PTPRD: variants seen among roughly 807,000 people sequenced by gnomAD.
PTPRD encodes receptor-type tyrosine-protein phosphatase delta.
A neutral mutation model predicts 214.5 loss-of-function variants in PTPRD; 34 were observed. The ratio of observed to expected loss-of-function variants is 0.16; its 90% CI spans 0.12 to 0.21. The LOEUF is 0.21. Ranked by LOEUF, PTPRD falls within the 10% of genes least tolerant of loss-of-function variation. The pLI is 1.00. For missense variants in PTPRD, 2,545 were observed against 2,398.7 expected (o/e 1.06, Z -1.27); for synonymous variants, 1,128 against 845.7 (o/e 1.33, Z -5.79).
chr9:10,201,517 G>A (rs2154334162), intron 3 of PTPRD, among the ~76,000 whole-genome samples: 1 of 152,112 alleles, frequency 6.6e-6, no homozygotes, highest in East Asian at 1.9e-4. Context: ...ATGCATAGGA[G>A]TATATTTAAT....
chr9:8,449,769 G>T lies in PTPRD; in HGVS notation c.3944C>A (p.Pro1315Gln). Residue 1315 changes from proline (P) to glutamine (Q), a missense_variant, in exon 34 of 46, where the codon CCA becomes CAA. Pro to Gln is a moderately conservative substitution (Grantham distance 76). Coordinates refer to ENST00000381196, the MANE Select transcript of PTPRD (RefSeq NM_002839.4). ...PNNKEIPSHH[P>Q]TDPVELRRLN... ...GCGCCTCAGTTCTACAGGGTCTGTT[G>T]GGTGGTGTGAAGGGATCTCCTTATT... 6.2e-7 allele frequency: 1 copy of T among 1,614,092 alleles called. No homozygotes were observed. The highest frequency in any genetic ancestry group is 8.5e-7 in the Non-Finnish European group (1 of 1,179,970).
In PTPRD at chr9:9,433,051, T is replaced by C. The variant is rs965964691; in HGVS notation, c.-236-35569A>G. ...ATGCAAGCGTGTGTATAAGAGTGTG[T>C]GTGTTAGGAAGGGCACACAAAAGAT... On this transcript the variant is annotated intron_variant, in intron 8 of 45. Transcript: ENST00000381196. Among the ~76,000 whole-genome samples, 51 of 152,072 alleles carry C rather than the reference T, an allele frequency of 3.4e-4. 1 individual carries two copies. The highest frequency in any genetic ancestry group is 1.1e-3 in the African/African-American group (47 of 41,412).
chr9:8,535,645 G>C (rs1023468355), intron 14 of PTPRD, among the ~76,000 whole-genome samples: 1 of 151,832 alleles, frequency 6.6e-6, no homozygotes, highest in South Asian at 2.1e-4. Flanking sequence ...TTGGGGAGTA[G>C]GTCATGTTAA....
At chr9:8,887,784 T>C (rs1035362812) in intron 11 of PTPRD, among the ~76,000 whole-genome samples, 7 of 152,194 alleles carry the variant, frequency 4.6e-5, no homozygotes, top group South Asian at 2.1e-4. Context: ...AGTTTTGCAA[T>C]TGCCATTTAA....
chr9:9,480,146 T>C (rs996514740), intron 8 of PTPRD, among the ~76,000 whole-genome samples: 1 of 152,322 alleles, frequency 6.6e-6, no homozygotes, highest in African/African-American at 2.4e-5. Flanking sequence ...GGCATTCATA[T>C]GCTTCAGGTA....
chr9:10,146,163 A>ATATATATG (rs2099021222), intron 3 of PTPRD, among the ~76,000 whole-genome samples: 1 of 151,154 alleles, frequency 6.6e-6, no homozygotes, highest in African/African-American at 2.4e-5. Context: ...ATATATATAT[A>ATATATATG]TATATGTATA....
At chr9:9,101,587 G>T (rs1487798538) in intron 10 of PTPRD, among the ~76,000 whole-genome samples, 1 of 152,066 alleles carries the variant, frequency 6.6e-6, no homozygotes, top group Non-Finnish European at 1.5e-5. Flanking sequence ...ACTAATAAGA[G>T]AATTATTATC....
At chr9:9,177,661 T>A (rs1034416550) in intron 10 of PTPRD, among the ~76,000 whole-genome samples, 78 of 152,076 alleles carry the variant, frequency 5.1e-4, no homozygotes, top group African/African-American at 1.8e-3. Flanking sequence ...GCAAAAAAAA[T>A]TCCGGTAAGC....
chr9:8,658,940 T>C (rs113270578), intron 12 of PTPRD, among the ~76,000 whole-genome samples: 4 of 152,298 alleles, frequency 2.6e-5, no homozygotes, highest in African/African-American at 9.6e-5. Context: ...AAATCCAGCT[T>C]TAGTGCCAAT....
intron 3 of PTPRD, among the ~76,000 whole-genome samples, chr9:10,184,989 AC>A (rs960453500): frequency 1.3e-5 from 2 of 152,180 alleles, no homozygotes; most frequent in African/African-American, 4.8e-5. Flanking sequence ...CACATTCATA[AC>A]CTTTTGTGTA....
chr9:10,430,736 G>T (rs1248677416), intron 2 of PTPRD, among the ~76,000 whole-genome samples: 1 of 151,660 alleles, frequency 6.6e-6, no homozygotes, highest in Admixed American at 6.6e-5. Context: ...ATTAGTGTTG[G>T]CAAAAGGTCA....
chr9:9,917,099 T>A (rs754939750), intron 5 of PTPRD, among the ~76,000 whole-genome samples: 3 of 128,166 alleles, frequency 2.3e-5, no homozygotes, highest in African/African-American at 9.3e-5. Context: ...AATGTCTACA[T>A]CAAAAAAAAC....
chr9:9,142,477 T>C (rs2099862131), intron 10 of PTPRD, among the ~76,000 whole-genome samples: 1 of 152,250 alleles, frequency 6.6e-6, no homozygotes, highest in African/African-American at 2.4e-5. Flanking sequence ...TCAAAATTAA[T>C]TTACTCCTTT....
At chr9:10,482,433 G>C (rs1289756222) in intron 2 of PTPRD, among the ~76,000 whole-genome samples, 2 of 151,668 alleles carry the variant, frequency 1.3e-5, no homozygotes, top group Admixed American at 6.6e-5. Flanking sequence ...ACAATAATTA[G>C]GCAAGATAAA....
intron 3 of PTPRD, among the ~76,000 whole-genome samples, chr9:10,196,026 A>T (rs1314711035): frequency 1.3e-5 from 2 of 152,170 alleles, no homozygotes; most frequent in Non-Finnish European, 2.9e-5. Context: ...GACTATAGAA[A>T]GGCAAGAAAG....
chr9:10,232,499 T>C (rs917895474), intron 3 of PTPRD, among the ~76,000 whole-genome samples: 1 of 151,996 alleles, frequency 6.6e-6, no homozygotes, highest in South Asian at 2.1e-4. Context: ...GCATCACTTC[T>C]ACTAAATCGA....
rs185356628 is a variant in PTPRD at position 8,688,302 on chromosome 9, G to A, written c.64+45478C>T. Among the ~76,000 whole-genome samples the A allele has an allele frequency of 3.4e-3, 519 of 152,234 alleles. 3 individuals are homozygous for A. Among genetic ancestry groups the A allele is most frequent in the Non-Finnish European group, 5.4e-3 (366 of 67,998 alleles). On this transcript the variant is annotated intron_variant, in intron 12 of 45. Coordinates refer to ENST00000381196, the MANE Select transcript of PTPRD (RefSeq NM_002839.4). ...AAAAATATAGCCAGGCGTGGTGGCT[G>A]ACGCCTGTAATCCCAGCGCTTTGGG...
At chr9:8,935,423 C>CTTTG (rs2098990243) in intron 11 of PTPRD, among the ~76,000 whole-genome samples, 1 of 1,944 alleles carries the variant, frequency 5.1e-4, no homozygotes, top group East Asian at 0.029. Flanking sequence ...AAGATCTGTA[C>CTTTG]ATAGAAAACA....
Position 9,509,069 on chromosome 9 carries a change from A to G in PTPRD, c.-237+65663T>C, listed in dbSNP as rs535236414. 2.0e-5 allele frequency among the ~76,000 whole-genome samples: 3 copies of G among 151,790 alleles called. No homozygotes were observed. In the East Asian group the frequency reaches 5.8e-4, roughly 29 times the overall value. ...AAATCTTATAAATTATTAAAATACT[A>G]CATAAATGAAATGTAAGAGGAATGC... On this transcript the variant is annotated intron_variant, in intron 8 of 45. Transcript: ENST00000381196.
Sources: allele counts gnomAD v4.1 joint callset (sites outside exome capture counted in the v4.1 genomes callset), GRCh38; gene constraint gnomAD v4.1.1; transcripts MANE v1.5; gene names NCBI Gene and HGNC (gene_info 2026-07-23, HGNC 2026-07-21).